Variants in PPP4C observed in about 807,000 individuals in gnomAD.
PPP4C encodes the protein serine/threonine-protein phosphatase 4 catalytic subunit.
Under a neutral mutation model 40.5 loss-of-function variants are expected in PPP4C, and 10 were observed. That is an observed-to-expected ratio of 0.25 (90% CI 0.15 to 0.42). The LOEUF (loss-of-function observed/expected upper bound fraction) is 0.42. Ranked by LOEUF, PPP4C falls within the 10% of genes least tolerant of loss-of-function variation. The pLI, the probability that PPP4C is intolerant of heterozygous loss-of-function variation, is 1.00. For missense variants in PPP4C, 191 were observed against 416.4 expected, an observed-to-expected ratio of 0.46 and a Z score of 4.71; for synonymous variants, 187 against 163.6, an observed-to-expected ratio of 1.14 and a Z score of -1.09.
Position 30,082,783 on chromosome 16 carries a change from T to TG in PPP4C, c.244dup (p.Asp82GlyfsTer9). The TG allele has an allele frequency of 6.2e-7, 1 of 1,614,100 alleles. No individual in the cohort carries two copies. Among genetic ancestry groups the TG allele is most frequent in the Non-Finnish European group, 8.5e-7 (1 of 1,180,012 alleles). On this transcript the variant is annotated frameshift_variant, in exon 5 of 9. Coordinates refer to ENST00000279387, the MANE Select transcript of PPP4C (RefSeq NM_002720.3). LOFTEE classifies it high-confidence loss of function. ...GTCCCTGAGACCAACTACCTCTTCA[T>TG]GGGGGACTTTGTGGACCGTGGCTTC...
Position 30,083,637 on chromosome 16 carries a change from C to G in PPP4C, c.478-18C>G. 2 of 1,614,134 alleles carry G rather than the reference C, an allele frequency of 1.2e-6. No homozygotes were observed. The highest frequency in any genetic ancestry group is 1.1e-5 in the South Asian group (1 of 91,082). On this transcript the variant is annotated intron_variant, in intron 6 of 8. Coordinates refer to ENST00000279387, the MANE Select transcript of PPP4C (RefSeq NM_002720.3). The surrounding 1 kb of genome is among the most constrained non-coding windows in gnomAD (Gnocchi z 6.3). ...TTCAGGCCTCAGCCCCGTCCTCTTT[C>G]CCTGCTCTCCCCTGTAGATCTTCTG...
At position 30,083,644 on chromosome 16, in the gene PPP4C, C is replaced by G; in HGVS notation, c.478-11C>G. 2 of 1,614,180 alleles carry G rather than the reference C, an allele frequency of 1.2e-6. No individual in the cohort carries two copies. Among genetic ancestry groups the G allele is most frequent in the Non-Finnish European group, 1.7e-6 (2 of 1,180,030 alleles). On this transcript the variant is annotated splice_polypyrimidine_tract_variant and intron_variant, in intron 6 of 8. Transcript: ENST00000279387. The surrounding 1 kb of genome is among the most constrained non-coding windows in gnomAD (Gnocchi z 6.3). Reference sequence around the variant, plus strand: ...CTCAGCCCCGTCCTCTTTCCCTGCTCTCCCCTGTAGATCTTCTGCGTGCAC... The same window carrying G: ...CTCAGCCCCGTCCTCTTTCCCTGCTGTCCCCTGTAGATCTTCTGCGTGCAC...
intron 2 of PPP4C, among the ~76,000 whole-genome samples, chr16:30,080,598 C>G (rs2072487103): frequency 6.6e-6 from 1 of 151,374 alleles, no homozygotes; most frequent in African/African-American, 2.4e-5. Context: ...CCCCCACCTC[C>G]CAGGTTCAAG....
At position 30,085,152 on chromosome 16, in the gene PPP4C, G is replaced by GC; in HGVS notation, c.*90_*91insC. The GC allele has an allele frequency of 1.3e-6, 2 of 1,512,650 alleles. No homozygotes were observed. Among genetic ancestry groups the GC allele is most frequent in the South Asian group, 1.2e-5 (1 of 82,270 alleles). The allele number at this position is 1,512,650 out of a possible 1,614,324, so 93.7% of individuals were successfully genotyped here. On this transcript the variant is annotated 3_prime_UTR_variant, in exon 9 of 9. Coordinates refer to ENST00000279387, the MANE Select transcript of PPP4C (RefSeq NM_002720.3). Reference sequence around the variant, plus strand: ...CCTCAGACGGAGGCTGGGCGTGGGGGGGGCTGTCCTGGCTCTGCTGTCCCC... The same window carrying GC: ...CCTCAGACGGAGGCTGGGCGTGGGGGCGGGCTGTCCTGGCTCTGCTGTCCCC...
At chr16:30,082,624 G>A (rs1567335496) in intron 4 of PPP4C, 90 bp downstream of exon 4, 3 of 1,556,582 alleles carry the variant, frequency 1.9e-6, no homozygotes, top group Non-Finnish European at 2.7e-6. Flanking sequence ...TTGGGGCGTG[G>A]AGTGGGGGCA....
intron 2 of PPP4C, among the ~76,000 whole-genome samples, chr16:30,078,593 G>A (rs1192057961): frequency 6.6e-6 from 1 of 152,226 alleles, no homozygotes. Context: ...GGACCCATCA[G>A]AGACCCAGGC....
intron 2 of PPP4C, among the ~76,000 whole-genome samples, chr16:30,078,001 C>T (rs2072435269): frequency 6.6e-6 from 1 of 152,220 alleles, no homozygotes; most frequent in South Asian, 2.1e-4. Context: ...CTGACCAGAC[C>T]AGCCCCATGG....
intron 3 of PPP4C, 145 bp from the exon 4 acceptor site, chr16:30,082,339 T>G (rs530086158): frequency 1.3e-5 from 10 of 790,178 alleles, no homozygotes; most frequent in Admixed American, 2.0e-5. Context: ...CCAGACTGAC[T>G]TGGGGTGGGA....
Position 30,076,014 on chromosome 16 carries a change from C to CGGCGGT in PPP4C, c.-139_-138insTGGCGG. The CGGCGGT allele has an allele frequency of 2.7e-6, 1 of 364,370 alleles. No individual in the cohort carries two copies. The highest frequency in any genetic ancestry group is 5.0e-6 in the Non-Finnish European group (1 of 199,030). The allele number at this position is 364,370 out of a possible 1,614,324, so 22.6% of individuals were successfully genotyped here. A position where few individuals can be genotyped will look rare whatever the true frequency, so the allele number is the denominator to read the frequency against. ...GCGGGGCCGGAAGTAGGAGCGGCGG[C>CGGCGGT]GGCGGCGGCGGCGGCGGTCGAAAGC... is the stretch of plus-strand genomic sequence containing the variant. On this transcript the variant is annotated 5_prime_UTR_variant, in exon 1 of 9. Coordinates refer to ENST00000279387, the MANE Select transcript of PPP4C (RefSeq NM_002720.3).
At chr16:30,082,570 G>T (rs974103825) in intron 4 of PPP4C, 36 bp downstream of exon 4, 1 of 1,601,762 alleles carries the variant, frequency 6.2e-7, no homozygotes, top group Non-Finnish European at 8.6e-7. Flanking sequence ...ATGTAACGGG[G>T]GGATGACTGG....
At chr16:30,082,929 A>T (rs774358123) in intron 5 of PPP4C, 82 bp downstream of exon 5, 7 of 1,187,880 alleles carry the variant, frequency 5.9e-6, no homozygotes, top group Non-Finnish European at 8.5e-6. Flanking sequence ...CTCATCTCCT[A>T]TCGTGACCAG....
intron 1 of PPP4C, 80 bp from the exon 2 acceptor site, chr16:30,076,235 C>G (rs1208497826): frequency 4.9e-6 from 4 of 821,680 alleles, no homozygotes; most frequent in Non-Finnish European, 7.5e-6. Context: ...GTGGGGGAGC[C>G]GGGCCGGCTC....
At chr16:30,081,112 T>G in intron 2 of PPP4C, 147 bp from the exon 3 acceptor site, 1 of 1,100,604 alleles carries the variant, frequency 9.1e-7, no homozygotes, top group Non-Finnish European at 1.4e-6. Context: ...AGGGCCGTGG[T>G]CAGCCTGTTT....
Position 30,076,018 on chromosome 16 carries a change from G to A in PPP4C, c.-140G>A. ...GGCCGGAAGTAGGAGCGGCGGCGGC[G>A]GCGGCGGCGGCGGTCGAAAGCGGAG... On this transcript the variant is annotated 5_prime_UTR_variant, in exon 1 of 9. Coordinates refer to ENST00000279387, the MANE Select transcript of PPP4C (RefSeq NM_002720.3). 2.7e-6 allele frequency: 1 copy of A among 369,926 alleles called. No individual in the cohort carries two copies. Among genetic ancestry groups the A allele is most frequent in the Non-Finnish European group, 4.9e-6 (1 of 202,616 alleles). The allele number at this position is 369,926 out of a possible 1,614,324, so 22.9% of individuals were successfully genotyped here.
chr16:30,081,234 G>A (rs1242668184), intron 2 of PPP4C, 25 bp from the exon 3 acceptor site: 1 of 1,613,216 alleles, frequency 6.2e-7, no homozygotes, highest in Non-Finnish European at 8.5e-7. Flanking sequence ...TGGCTGTGGT[G>A]ACCCTGGTCT....
At chr16:30,082,084 A>G (rs2072520875) in intron 3 of PPP4C, among the ~76,000 whole-genome samples, 1 of 150,850 alleles carries the variant, frequency 6.6e-6, no homozygotes, top group South Asian at 2.1e-4. Flanking sequence ...AAAGAAAAGA[A>G]AGGGGTTATG....
intron 2 of PPP4C, among the ~76,000 whole-genome samples, chr16:30,076,795 C>G (rs1159788927): frequency 6.6e-6 from 1 of 151,914 alleles, no homozygotes; most frequent in East Asian, 1.9e-4. Context: ...GGAGAGGCCT[C>G]GAATAAGGAG....
At chr16:30,082,068 GAAAGGAAA>G in intron 3 of PPP4C, among the ~76,000 whole-genome samples, 1 of 71,490 alleles carries the variant, frequency 1.4e-5, no homozygotes, top group South Asian at 6.5e-4. Context: ...AAAAAAAAAA[GAAAGGAAA>G]GAAAAGAAAG....
chr16:30,081,251 G>A lies in PPP4C; in HGVS notation c.99-8G>A. 6.2e-7 allele frequency: 1 copy of A among 1,613,654 alleles called. No individual in the cohort carries two copies. The highest frequency in any genetic ancestry group is 8.5e-7 in the Non-Finnish European group (1 of 1,179,816). On this transcript the variant is annotated splice_region_variant and splice_polypyrimidine_tract_variant and intron_variant, in intron 2 of 8. Transcript: ENST00000279387. ...GCTGTGGTGACCCTGGTCTTCTCCT[G>A]TCTCCAGAGAGATCTTGGTAGAGGA... is the stretch of plus-strand genomic sequence containing the variant.
Sources: allele counts gnomAD v4.1 joint callset (sites outside exome capture counted in the v4.1 genomes callset), GRCh38; gene constraint gnomAD v4.1.1; non-coding constraint Gnocchi (gnomAD v3.1); transcripts MANE v1.5; gene names NCBI Gene and HGNC (gene_info 2026-07-23, HGNC 2026-07-21).